The following MEI4 variants were observed in gnomAD, a reference collection of about 807,000 sequenced individuals.
The protein encoded by MEI4 is meiosis-specific protein MEI4.
Under a neutral mutation model 31.4 loss-of-function variants are expected in MEI4, and 27 were observed. The observed-to-expected ratio is 0.86, with a 90% CI of 0.63 to 1.19. MEI4 has a LOEUF of 1.19. Among genes scored for constraint, MEI4 ranks in the 50% most tolerant of loss-of-function variants. The pLI is 0.00. For missense variants in MEI4, 329 were observed against 398.9 expected (o/e 0.82, Z 1.49); for synonymous variants, 122 against 145.4 (o/e 0.84, Z 1.16).
intron 2 of MEI4, among the ~76,000 whole-genome samples, chr6:77,700,036 G>GGGGGT: frequency 2.0e-5 from 3 of 152,218 alleles, no homozygotes; most frequent in African/African-American, 7.2e-5. Flanking sequence ...TAGGCTTCTC[G>GGGGGT]CGGGTCAGGG....
At chr6:77,734,608 C>T (rs1177680532) in intron 2 of MEI4, among the ~76,000 whole-genome samples, 2 of 151,918 alleles carry the variant, frequency 1.3e-5, no homozygotes, top group African/African-American at 2.4e-5. Flanking sequence ...CAGTCTGTGT[C>T]TTTTAATTGG....
intron 4 of MEI4, among the ~76,000 whole-genome samples, chr6:77,846,604 A>G (rs1770493130): frequency 6.6e-6 from 1 of 152,090 alleles, no homozygotes; most frequent in Non-Finnish European, 1.5e-5. Context: ...AACTTAATAA[A>G]ATTTATCTAA....
At chr6:77,739,343 C>T (rs1230196379) in intron 2 of MEI4, among the ~76,000 whole-genome samples, 1 of 152,060 alleles carries the variant, frequency 6.6e-6, no homozygotes, top group Non-Finnish European at 1.5e-5. Context: ...ATAGGGAATC[C>T]TGTCCCCATT....
chr6:77,718,165 GA>G (rs1766624467), intron 2 of MEI4, among the ~76,000 whole-genome samples: 1 of 65,924 alleles, frequency 1.5e-5, no homozygotes, highest in Non-Finnish European at 3.0e-5. Flanking sequence ...TTGATGCTTC[GA>G]AAATTTGTTC....
At chr6:77,686,950 T>C (rs569452854) in intron 1 of MEI4, among the ~76,000 whole-genome samples, 2 of 150,370 alleles carry the variant, frequency 1.3e-5, no homozygotes, top group Admixed American at 6.8e-5. Context: ...AATATAAATA[T>C]AAAATACTTG....
intron 4 of MEI4, among the ~76,000 whole-genome samples, chr6:77,881,190 C>T (rs1269437730): frequency 6.6e-6 from 1 of 151,716 alleles, no homozygotes; most frequent in Non-Finnish European, 1.5e-5. Flanking sequence ...AAAAAGCCTT[C>T]TATGTTCAAA....
intron 4 of MEI4, among the ~76,000 whole-genome samples, chr6:77,887,091 T>C (rs1581952773): frequency 6.6e-6 from 1 of 152,068 alleles, no homozygotes; most frequent in Non-Finnish European, 1.5e-5. Context: ...TAAACATTTA[T>C]TGCTGTAAGC....
intron 2 of MEI4, among the ~76,000 whole-genome samples, chr6:77,734,180 C>T (rs537038485): frequency 3.4e-4 from 52 of 152,000 alleles, no homozygotes; most frequent in Non-Finnish European, 6.6e-4. Flanking sequence ...TCCTGGGTAT[C>T]CTTGTTGACT....
At chr6:77,656,473 G>A (rs1209855265) in intron 1 of MEI4, among the ~76,000 whole-genome samples, 2 of 151,982 alleles carry the variant, frequency 1.3e-5, no homozygotes. Context: ...GAACTGTTGT[G>A]TACTTTATGT....
chr6:77,800,954 T>C (rs1031915398), intron 3 of MEI4, among the ~76,000 whole-genome samples: 4 of 152,202 alleles, frequency 2.6e-5, no homozygotes, highest in African/African-American at 7.2e-5. Context: ...TAAAATTCTC[T>C]TTTTTGGTTG....
intron 2 of MEI4, among the ~76,000 whole-genome samples, chr6:77,746,001 G>A (rs1582094535): frequency 6.6e-6 from 1 of 151,948 alleles, no homozygotes; most frequent in East Asian, 1.9e-4. Flanking sequence ...AACACTAAAT[G>A]CCCACAAGAG....
intron 1 of MEI4, among the ~76,000 whole-genome samples, chr6:77,657,934 C>A (rs1442163504): frequency 6.6e-6 from 1 of 152,200 alleles, no homozygotes; most frequent in East Asian, 1.9e-4. Flanking sequence ...TTCTTTGAGT[C>A]CTTCATAAAT....
rs574643139 is a variant in MEI4 at position 77,735,052 on chromosome 6, C to T, written c.233-26078C>T. 3.9e-5 allele frequency among the ~76,000 whole-genome samples: 6 copies of T among 152,198 alleles called. No homozygotes were observed. In the East Asian group the frequency reaches 9.7e-4, roughly 25 times the overall value. ...CTTGTGGGTAACCGTACCTTTCTCTCTGGCTGCCCTTAACGTTTTTTCCTT... is the reference window on the plus strand; with the variant it reads ...CTTGTGGGTAACCGTACCTTTCTCTTTGGCTGCCCTTAACGTTTTTTCCTT... On this transcript the variant is annotated intron_variant, in intron 2 of 4. Transcript: ENST00000684080.
chr6:77,902,263 T>C (rs941689261), intron 4 of MEI4, among the ~76,000 whole-genome samples: 22 of 152,134 alleles, frequency 1.4e-4, no homozygotes, highest in African/African-American at 4.8e-4. Context: ...GGAATTTTGA[T>C]AGAAATTGTA....
At chr6:77,895,607 AT>A (rs1766067228) in intron 4 of MEI4, among the ~76,000 whole-genome samples, 1 of 152,048 alleles carries the variant, frequency 6.6e-6, no homozygotes, top group African/African-American at 2.4e-5. Flanking sequence ...TTTATACAGC[AT>A]GCTCTCTGCA....
At chr6:77,885,178 T>A (rs559316911) in intron 4 of MEI4, among the ~76,000 whole-genome samples, 5 of 151,906 alleles carry the variant, frequency 3.3e-5, no homozygotes, top group African/African-American at 1.2e-4. Flanking sequence ...GAAATGCTAG[T>A]GACTCTTTTT....
In MEI4 at chr6:77,788,817, G is replaced by C. The variant is rs183327483; in HGVS notation, c.768+27152G>C. Among the ~76,000 whole-genome samples the C allele has an allele frequency of 5.6e-4, 86 of 152,258 alleles. 2 individuals carry two copies. Among genetic ancestry groups the C allele is most frequent in the African/African-American group, 1.5e-3 (62 of 41,540 alleles). On this transcript the variant is annotated intron_variant, in intron 3 of 4. Transcript: ENST00000684080. The stretch of plus-strand genomic sequence containing the variant: ...TAGGAAGAATCAATATCGTGAAAAT[G>C]GCCATACTGCCCAAAGTAATTTACA...
At chr6:77,900,810 T>C (rs1017966534) in intron 4 of MEI4, among the ~76,000 whole-genome samples, 4 of 152,010 alleles carry the variant, frequency 2.6e-5, no homozygotes, top group Non-Finnish European at 5.9e-5. Flanking sequence ...ACAACAGGTG[T>C]CTTGAACTTA....
At chr6:77,760,382 G>A (rs1483046) in intron 2 of MEI4, among the ~76,000 whole-genome samples, 52,350 of 151,834 alleles carry the variant, frequency 0.34, 9,752 homozygotes, top group African/African-American at 0.49. Context: ...AATTCACTCT[G>A]CACTTTACAG....
Sources: gnomAD v4.1 joint callset for allele counts (sites outside exome capture counted in the v4.1 genomes callset) on GRCh38, gnomAD v4.1.1 for gene constraint, MANE v1.5 for transcripts, NCBI Gene and HGNC (gene_info 2026-07-23, HGNC 2026-07-21) for gene names.